Variants in NCKAP5 observed in about 807,000 individuals in gnomAD.
NCKAP5 encodes the protein NCK associated protein 5.
In NCKAP5, 92 loss-of-function variants were observed where a neutral mutation model predicts 167.0. That is an observed-to-expected ratio of 0.55 (90% confidence interval 0.47 to 0.66). The LOEUF is 0.66. Ranked by LOEUF, NCKAP5 falls within the 30% of genes least tolerant of loss-of-function variation. The pLI is 0.00. For synonymous variants in NCKAP5, 891 were observed against 877.4 expected, an observed-to-expected ratio of 1.02 and a Z score of -0.27; for missense variants, 2,378 against 2,315.0, an observed-to-expected ratio of 1.03 and a Z score of -0.56.
chr2:133,148,829 A>G (rs1229534385), intron 5 of NCKAP5, among the ~76,000 whole-genome samples: 1 of 152,098 alleles, frequency 6.6e-6, no homozygotes, highest in East Asian at 1.9e-4. Context: ...AAGACCCAAT[A>G]TCCAAATACC....
At chr2:133,151,511 C>A (rs760577917) in intron 5 of NCKAP5, among the ~76,000 whole-genome samples, 2 of 151,960 alleles carry the variant, frequency 1.3e-5, no homozygotes, top group Non-Finnish European at 2.9e-5. Flanking sequence ...ACCAAAGGTA[C>A]GCAGAGGGCA....
chr2:132,712,011 T>C (rs1688891423), intron 19 of NCKAP5, among the ~76,000 whole-genome samples: 1 of 152,242 alleles, frequency 6.6e-6, no homozygotes, highest in Non-Finnish European at 1.5e-5. Context: ...GGTTTACAAA[T>C]CTAGGCTTGT....
chr2:133,281,376 G>C (rs2089930182), intron 4 of NCKAP5, among the ~76,000 whole-genome samples: 1 of 151,786 alleles, frequency 6.6e-6, no homozygotes, highest in African/African-American at 2.4e-5. Flanking sequence ...TTATTTTTAT[G>C]AACTAGGACT....
chr2:133,106,636 T>C (rs774928049), intron 6 of NCKAP5, among the ~76,000 whole-genome samples: 5 of 152,198 alleles, frequency 3.3e-5, no homozygotes, highest in Non-Finnish European at 5.9e-5. Flanking sequence ...TTTCTTCTTC[T>C]TCTTGAATGC....
intron 6 of NCKAP5, among the ~76,000 whole-genome samples, chr2:132,995,994 CA>C (rs979751456): frequency 1.5e-4 from 23 of 152,008 alleles, no homozygotes; most frequent in African/African-American, 5.6e-4. Context: ...ATTTTTTTTA[CA>C]TTATTTTATT....
At chr2:133,347,565 A>T (rs1684063349) in intron 3 of NCKAP5, among the ~76,000 whole-genome samples, 1 of 150,386 alleles carries the variant, frequency 6.6e-6, no homozygotes, top group Non-Finnish European at 1.5e-5. Context: ...AAAAAATAAA[A>T]TAAATTAAAA....
intron 19 of NCKAP5, among the ~76,000 whole-genome samples, chr2:132,686,579 A>G (rs975182429): frequency 1.3e-5 from 2 of 152,222 alleles, no homozygotes; most frequent in South Asian, 4.1e-4. Flanking sequence ...TAGGTGGTCC[A>G]TAAATGCTAG....
At chr2:132,674,311 C>G (rs954074800) in intron 19 of NCKAP5, among the ~76,000 whole-genome samples, 1 of 152,114 alleles carries the variant, frequency 6.6e-6, no homozygotes, top group Admixed American at 6.5e-5. Flanking sequence ...ACAAGGTAAA[C>G]GACCCCATTT....
intron 19 of NCKAP5, among the ~76,000 whole-genome samples, chr2:132,722,683 T>A (rs1441795203): frequency 6.6e-6 from 1 of 152,044 alleles, no homozygotes; most frequent in East Asian, 1.9e-4. Context: ...AAATCTAGCA[T>A]GTCCACGCAG....
At chr2:133,294,560 C>T (rs913342994) in intron 4 of NCKAP5, among the ~76,000 whole-genome samples, 1 of 152,200 alleles carries the variant, frequency 6.6e-6, no homozygotes, top group Non-Finnish European at 1.5e-5. Context: ...CAAGCAATTT[C>T]TCTCTCTCAA....
chr2:133,549,508 T>G (rs1474225558), intron 2 of NCKAP5, among the ~76,000 whole-genome samples: 4 of 146,112 alleles, frequency 2.7e-5, no homozygotes, highest in Admixed American at 1.4e-4. Context: ...GGGTACATAA[T>G]GAAATGAAGG....
At chr2:132,929,515 G>A (rs910471559) in intron 8 of NCKAP5, among the ~76,000 whole-genome samples, 1 of 152,056 alleles carries the variant, frequency 6.6e-6, no homozygotes, top group African/African-American at 2.4e-5. Flanking sequence ...AAGTATTTTG[G>A]GAGTACAATT....
chr2:133,489,952 C>A (rs2151345379), intron 3 of NCKAP5, among the ~76,000 whole-genome samples: 1 of 152,228 alleles, frequency 6.6e-6, no homozygotes, highest in African/African-American at 2.4e-5. Context: ...TAGCTGGGCT[C>A]TAAAGGGGAG....
At chr2:133,634,368 A>T in the NCKAP5 span, among the ~76,000 whole-genome samples, 22 of 152,300 alleles carry the variant, frequency 1.4e-4, no homozygotes, top group East Asian at 4.2e-3. Context: ...ACTGAGTTCC[A>T]GAATGCGTGT....
intron 6 of NCKAP5, among the ~76,000 whole-genome samples, chr2:133,060,856 C>T (rs2079973956): frequency 6.6e-6 from 1 of 152,052 alleles, no homozygotes; most frequent in Admixed American, 6.6e-5. Flanking sequence ...ACATGCTCTT[C>T]CCCTAGTGGG....
At chr2:133,578,374 A>G in the NCKAP5 span, among the ~76,000 whole-genome samples, 2 of 152,214 alleles carry the variant, frequency 1.3e-5, no homozygotes, top group East Asian at 3.8e-4. Context: ...CCTTTCTGGG[A>G]AAGTACAATC....
intron 3 of NCKAP5, among the ~76,000 whole-genome samples, chr2:133,366,318 G>A (rs1011997204): frequency 1.3e-5 from 2 of 152,224 alleles, no homozygotes; most frequent in South Asian, 2.1e-4. Context: ...TGTTGTTGTT[G>A]TTAAGACAGA....
intron 6 of NCKAP5, among the ~76,000 whole-genome samples, chr2:133,124,994 T>C (rs990923014): frequency 1.3e-5 from 2 of 152,052 alleles, no homozygotes; most frequent in African/African-American, 4.8e-5. Flanking sequence ...TGCAGCGAGG[T>C]GAGGCTGCAC....
chr2:133,406,006 C>T (rs958566991), intron 3 of NCKAP5, among the ~76,000 whole-genome samples: 1 of 152,236 alleles, frequency 6.6e-6, no homozygotes, highest in African/African-American at 2.4e-5. Flanking sequence ...TCTGTATAAT[C>T]CCCGAATTGA....
Sources: gnomAD v4.1 joint callset for allele counts (sites outside exome capture counted in the v4.1 genomes callset) on GRCh38, gnomAD v4.1.1 for gene constraint, MANE v1.5 for transcripts, NCBI Gene and HGNC (gene_info 2026-07-23, HGNC 2026-07-21) for gene names.